Variants in LNPEP observed in about 807,000 individuals in gnomAD.
The protein encoded by LNPEP is leucyl and cystinyl aminopeptidase.
LNPEP carries 64 observed loss-of-function variants against 120.6 expected under a neutral mutation model. That is an observed-to-expected ratio of 0.53 (90% confidence interval 0.43 to 0.65). LNPEP has a LOEUF of 0.65. LNPEP is among the 30% of genes least tolerant of loss of function. The pLI is 0.00. For missense variants in LNPEP, 1,057 were observed against 1,200.0 expected (o/e 0.88, Z 1.76); for synonymous variants, 435 against 425.4 (o/e 1.02, Z -0.28).
chr5:96,992,251 A>G (rs1186202501), intron 4 of LNPEP, among the ~76,000 whole-genome samples: 1 of 152,170 alleles, frequency 6.6e-6, no homozygotes, highest in East Asian at 1.9e-4. Flanking sequence ...GTGAATGGGC[A>G]GTGGGAGACA....
chr5:96,951,787 A>G (rs1581978758), intron 1 of LNPEP, among the ~76,000 whole-genome samples: 1 of 127,772 alleles, frequency 7.8e-6, no homozygotes, highest in East Asian at 2.2e-4. Context: ...ACAGTAATTC[A>G]GGATGATCCA....
At chr5:96,981,317 A>G (rs1790118638) in intron 2 of LNPEP, among the ~76,000 whole-genome samples, 1 of 152,222 alleles carries the variant, frequency 6.6e-6, no homozygotes, top group African/African-American at 2.4e-5. Flanking sequence ...GAATCAAGAT[A>G]TACTATCACT....
At chr5:96,996,589 G>C in intron 7 of LNPEP, 86 bp downstream of exon 7, 2 of 733,078 alleles carry the variant, frequency 2.7e-6, no homozygotes, top group South Asian at 1.7e-5. Flanking sequence ...TGTGCATCTG[G>C]AGTAATGAAA....
rs377239196 is a variant in LNPEP at position 97,019,192 on chromosome 5, T to G, written c.2377-3108T>G. ...TGCATTTTATTACAAATCCAGTGTTTGTAGCTTGTATAACCCATCAATTTA... is the reference window on the plus strand; with the variant it reads ...TGCATTTTATTACAAATCCAGTGTTGGTAGCTTGTATAACCCATCAATTTA... On this transcript the variant is annotated intron_variant, in intron 13 of 17. Coordinates refer to ENST00000231368, the MANE Select transcript of LNPEP (RefSeq NM_005575.3). 2.0e-5 allele frequency among the ~76,000 whole-genome samples: 3 copies of G among 152,352 alleles called. No homozygotes were observed. In the East Asian group the frequency reaches 5.8e-4, roughly 29 times the overall value.
At chr5:96,960,951 A>G (rs987935424) in intron 1 of LNPEP, among the ~76,000 whole-genome samples, 3 of 152,172 alleles carry the variant, frequency 2.0e-5, no homozygotes, top group Admixed American at 6.5e-5. Context: ...TTGGTCTTCA[A>G]CCATCAGCTT....
intron 1 of LNPEP, among the ~76,000 whole-genome samples, chr5:96,960,157 C>T (rs1292062629): frequency 3.3e-5 from 5 of 151,910 alleles, no homozygotes; most frequent in African/African-American, 1.2e-4. Flanking sequence ...AGGCTGGTCT[C>T]GAACTCCTGA....
chr5:96,946,144 C>G (rs1454373272), intron 1 of LNPEP, among the ~76,000 whole-genome samples: 1 of 152,190 alleles, frequency 6.6e-6, no homozygotes, highest in Non-Finnish European at 1.5e-5. Flanking sequence ...TTAGTAGTTT[C>G]TCTGTTTTTT....
chr5:96,979,047 T>C (rs534721146), intron 1 of LNPEP, 91 bp from the exon 2 acceptor site: 43 of 1,434,948 alleles, frequency 3.0e-5, no homozygotes, highest in Non-Finnish European at 4.0e-5. Context: ...ATTCTTAGTT[T>C]AAATGTGGTC....
At chr5:97,009,773 G>A (rs537097215) in intron 11 of LNPEP, among the ~76,000 whole-genome samples, 82 of 152,190 alleles carry the variant, frequency 5.4e-4, no homozygotes, top group Admixed American at 2.5e-3. Context: ...CCTGAGGACA[G>A]CTGAGCCTTC....
intron 1 of LNPEP, among the ~76,000 whole-genome samples, chr5:96,940,660 A>T (rs1789029358): frequency 6.6e-6 from 1 of 152,220 alleles, no homozygotes; most frequent in Non-Finnish European, 1.5e-5. Flanking sequence ...TTAGTGTAAT[A>T]CTCCTATTAG....
chr5:97,006,051 T>C, intron 9 of LNPEP, 22 bp from the exon 10 acceptor site: 1 of 875,166 alleles, frequency 1.1e-6, no homozygotes. Flanking sequence ...AAGTTTTATA[T>C]ATATATATAT....
At chr5:97,024,219 T>C (rs558846674) in intron 14 of LNPEP, among the ~76,000 whole-genome samples, 1 of 152,354 alleles carries the variant, frequency 6.6e-6, no homozygotes, top group Admixed American at 6.5e-5. Flanking sequence ...TACTTCGTAG[T>C]AGCCTGTGAG....
intron 1 of LNPEP, among the ~76,000 whole-genome samples, chr5:96,948,343 C>T (rs1487936396): frequency 6.6e-6 from 1 of 152,208 alleles, no homozygotes; most frequent in Non-Finnish European, 1.5e-5. Context: ...GTCTCGAACT[C>T]CTGACCTCAG....
chr5:96,970,640 T>C (rs890000418), intron 1 of LNPEP, among the ~76,000 whole-genome samples: 3 of 152,016 alleles, frequency 2.0e-5, no homozygotes, highest in African/African-American at 7.2e-5. Flanking sequence ...GCAATTTTAG[T>C]ATTTCATTTT....
intron 1 of LNPEP, among the ~76,000 whole-genome samples, chr5:96,978,207 A>ATTT (rs1474689655): frequency 2.6e-5 from 4 of 152,052 alleles, no homozygotes; most frequent in Non-Finnish European, 5.9e-5. Flanking sequence ...GGAAGTACTG[A>ATTT]TATATGGGGG....
At chr5:96,975,175 G>A (rs922144015) in intron 1 of LNPEP, among the ~76,000 whole-genome samples, 1 of 152,104 alleles carries the variant, frequency 6.6e-6, no homozygotes, top group Non-Finnish European at 1.5e-5. Flanking sequence ...GGATTTTAAC[G>A]TCTACCTAAA....
At chr5:96,958,230 G>A (rs1158665473) in intron 1 of LNPEP, among the ~76,000 whole-genome samples, 4 of 152,316 alleles carry the variant, frequency 2.6e-5, no homozygotes, top group Middle Eastern at 3.4e-3. Flanking sequence ...GAAGCGGTCC[G>A]AGTGCAAAAT....
At chr5:96,978,475 C>T (rs79333364) in intron 1 of LNPEP, among the ~76,000 whole-genome samples, 7,579 of 152,156 alleles carry the variant, frequency 0.05, 277 homozygotes, top group Middle Eastern at 0.12. Flanking sequence ...GGAAATTTCC[C>T]ATATAATTTG....
At chr5:97,008,337 G>GTTTTTTTTTTTTTTTTTTTT (rs781727347) in intron 11 of LNPEP, among the ~76,000 whole-genome samples, 8 of 59,840 alleles carry the variant, frequency 1.3e-4, no homozygotes, top group Admixed American at 2.4e-4. Context: ...GTTTTTTCTT[G>GTTTTTTTTTTTTTTTTTTTT]TTTTTTTTTT....
Sources: gnomAD v4.1 joint callset for allele counts (sites outside exome capture counted in the v4.1 genomes callset) on GRCh38, gnomAD v4.1.1 for gene constraint, MANE v1.5 for transcripts, NCBI Gene and HGNC (gene_info 2026-07-23, HGNC 2026-07-21) for gene names.